FARS2: variants seen among roughly 807,000 people sequenced by gnomAD.
FARS2 encodes the protein phenylalanine--tRNA ligase, mitochondrial.
In FARS2, 40 loss-of-function variants were observed where a neutral mutation model predicts 46.4. The ratio of observed to expected loss-of-function variants is 0.86; its 90% CI spans 0.67 to 1.12. The LOEUF (loss-of-function observed/expected upper bound fraction) is 1.12. FARS2 is among the 50% of genes most tolerant of loss of function. FARS2 has a pLI of 0.00. For synonymous variants in FARS2, 234 were observed against 214.9 expected (o/e 1.09, Z -0.78); for missense variants, 513 against 567.9 (o/e 0.90, Z 0.98).
chr6:5,614,255 G>A (rs1775340320), intron 6 of FARS2, among the ~76,000 whole-genome samples: 1 of 152,138 alleles, frequency 6.6e-6, no homozygotes, highest in Non-Finnish European at 1.5e-5. Context: ...GCTCCTAGCT[G>A]TTAGAGAAGA....
intron 6 of FARS2, among the ~76,000 whole-genome samples, chr6:5,738,610 A>G (rs989200605): frequency 6.6e-6 from 1 of 152,248 alleles, no homozygotes; most frequent in African/African-American, 2.4e-5. Context: ...TCTAACTTTT[A>G]TAAAAGCTTA....
At chr6:5,355,287 C>G (rs1480566781) in intron 1 of FARS2, among the ~76,000 whole-genome samples, 1 of 150,242 alleles carries the variant, frequency 6.7e-6, no homozygotes, top group Non-Finnish European at 1.5e-5. Flanking sequence ...TTACTTCTTT[C>G]TATTTTCATA....
chr6:5,487,403 A>G (rs550371542), intron 4 of FARS2, among the ~76,000 whole-genome samples: 2 of 152,360 alleles, frequency 1.3e-5, no homozygotes, highest in South Asian at 2.1e-4. Flanking sequence ...AACCAGCACT[A>G]CAATTCCTAA....
intron 6 of FARS2, among the ~76,000 whole-genome samples, chr6:5,735,184 T>C (rs1760874119): frequency 6.6e-6 from 1 of 152,270 alleles, no homozygotes; most frequent in South Asian, 2.1e-4. Flanking sequence ...ACATTTATTA[T>C]AGAATTACAT....
At chr6:5,250,620 T>A in the FARS2 span, among the ~76,000 whole-genome samples, 1 of 152,220 alleles carries the variant, frequency 6.6e-6, no homozygotes, top group Non-Finnish European at 1.5e-5. Flanking sequence ...GAATCACCTC[T>A]AGTTGCCTGT....
At chr6:5,509,155 G>T (rs534822624) in intron 4 of FARS2, among the ~76,000 whole-genome samples, 1 of 152,192 alleles carries the variant, frequency 6.6e-6, no homozygotes, top group South Asian at 2.1e-4. Context: ...GAGAATAGAC[G>T]TAGACATTAG....
intron 5 of FARS2, among the ~76,000 whole-genome samples, chr6:5,604,861 A>C (rs1774740784): frequency 6.6e-6 from 1 of 152,228 alleles, no homozygotes; most frequent in African/African-American, 2.4e-5. Context: ...GTCATAGACC[A>C]GATCCTTATT....
chr6:5,329,575 A>C (rs1156907140), intron 1 of FARS2, among the ~76,000 whole-genome samples: 1 of 152,124 alleles, frequency 6.6e-6, no homozygotes, highest in East Asian at 1.9e-4. Context: ...CAGGCTAAAA[A>C]CTGTCTCAAG....
rs931069133 is a variant in FARS2, at chr6:5,368,550, A to G, written c.-21A>G. The stretch of plus-strand genomic sequence containing the variant: ...TGCTTTGCCTGTGTGCTCTTTCCAG[A>G]ACCTGTGAGAAGTTTCTACAATGGT... On this transcript the variant is annotated splice_region_variant and 5_prime_UTR_variant, in exon 2 of 7. Transcript: ENST00000274680. The G allele has an allele frequency of 1.3e-5, 21 of 1,587,640 alleles. No individual in the cohort carries two copies. The highest frequency in any genetic ancestry group is 1.5e-5 in the Non-Finnish European group (18 of 1,165,690).
intron 6 of FARS2, among the ~76,000 whole-genome samples, chr6:5,683,784 C>A (rs968246082): frequency 3.9e-5 from 6 of 152,054 alleles, no homozygotes; most frequent in Non-Finnish European, 8.8e-5. Flanking sequence ...CTCTACCTCT[C>A]GACAGGCCCC....
intron 3 of FARS2, among the ~76,000 whole-genome samples, chr6:5,410,374 C>T (rs1424181173): frequency 7.2e-5 from 11 of 151,962 alleles, no homozygotes; most frequent in Admixed American, 5.9e-4. Context: ...GTTGTCCACA[C>T]TGGTCTCGAA....
chr6:5,634,699 C>A (rs1776458598), intron 6 of FARS2, among the ~76,000 whole-genome samples: 1 of 152,202 alleles, frequency 6.6e-6, no homozygotes, highest in Non-Finnish European at 1.5e-5. Context: ...CTATTCTTAG[C>A]AAAAGATAGC....
intron 4 of FARS2, among the ~76,000 whole-genome samples, chr6:5,464,547 T>C (rs1001262234): frequency 2.0e-5 from 3 of 152,238 alleles, no homozygotes; most frequent in African/African-American, 7.2e-5. Context: ...CTGTTTCGAA[T>C]GCTCTCCTTA....
chr6:5,593,884 T>C (rs571000322), intron 5 of FARS2, among the ~76,000 whole-genome samples: 2 of 152,322 alleles, frequency 1.3e-5, no homozygotes, highest in East Asian at 3.9e-4. Flanking sequence ...ACACAATTAA[T>C]GATGGCCCCA....
intron 5 of FARS2, among the ~76,000 whole-genome samples, chr6:5,575,073 C>T (rs547078319): frequency 1.6e-4 from 24 of 152,308 alleles, no homozygotes; most frequent in African/African-American, 5.8e-4. Flanking sequence ...CACTATAACT[C>T]AAACATGAGT....
chr6:5,338,252 T>C (rs1241956777), intron 1 of FARS2, among the ~76,000 whole-genome samples: 2 of 152,216 alleles, frequency 1.3e-5, no homozygotes, highest in African/African-American at 4.8e-5. Flanking sequence ...AAATTATTCA[T>C]GTGAATTTCC....
Position 5,455,964 on chromosome 6 carries a change from C to A in FARS2, c.904+24792C>A, listed in dbSNP as rs546358192. On this transcript the variant is annotated intron_variant, in intron 4 of 6. Coordinates refer to ENST00000274680, the MANE Select transcript of FARS2 (RefSeq NM_006567.5). ...GGGCGCGGTAGCTTATGCCTGTAATCCCAGCACTTTGAGAGGCCAAGTCAA... is the reference window on the plus strand; with the variant it reads ...GGGCGCGGTAGCTTATGCCTGTAATACCAGCACTTTGAGAGGCCAAGTCAA... 4.6e-5 allele frequency among the ~76,000 whole-genome samples: 7 copies of A among 152,308 alleles called. No individual in the cohort carries two copies. In the South Asian group the frequency reaches 1.2e-3, roughly 27 times the overall value.
intron 1 of FARS2, among the ~76,000 whole-genome samples, chr6:5,341,192 T>G (rs867566893): frequency 0.015 from 123 of 8,336 alleles, no homozygotes; most frequent in Admixed American, 0.03. Context: ...TGGGGAGATA[T>G]ATATATATAT....
At chr6:5,537,804 T>C (rs1264661034) in intron 4 of FARS2, among the ~76,000 whole-genome samples, 1 of 152,222 alleles carries the variant, frequency 6.6e-6, no homozygotes, top group African/African-American at 2.4e-5. Context: ...ATTTTGTTAC[T>C]GTCCTTTCAC....
Sources: gnomAD v4.1 joint callset for allele counts (sites outside exome capture counted in the v4.1 genomes callset) on GRCh38, gnomAD v4.1.1 for gene constraint, MANE v1.5 for transcripts, NCBI Gene and HGNC (gene_info 2026-07-23, HGNC 2026-07-21) for gene names.